LZTR1: variants seen among roughly 807,000 people sequenced by gnomAD.
LZTR1 encodes the protein leucine-zipper-like transcriptional regulator 1.
LZTR1 carries 260 observed loss-of-function variants against 105.7 expected under a neutral mutation model. That is an observed-to-expected ratio of 2.46 (90% CI 2.22 to 2.72). LZTR1 has a LOEUF of 2.72. Ranked by LOEUF, LZTR1 falls within the 30% of genes most tolerant of loss-of-function variation. The probability of loss-of-function intolerance (pLI) is 0.00; values close to 1 mark genes in which losing one functional copy is unlikely to be tolerated. For synonymous variants in LZTR1, 490 were observed against 476.4 expected (o/e 1.03, Z -0.37); for missense variants, 1,214 against 1,166.9 (o/e 1.04, Z -0.59).
At position 20,995,806 on chromosome 22, in the gene LZTR1, A is replaced by T; in HGVS notation, c.2003A>T (p.Asp668Val). 6.2e-7 allele frequency: 1 copy of T among 1,613,490 alleles called. No homozygotes were observed. Among genetic ancestry groups the T allele is most frequent in the Non-Finnish European group, 8.5e-7 (1 of 1,179,958 alleles). Residue 668 changes from aspartate to valine, a missense_variant, in exon 17 of 21, where the codon GAC becomes GTC. Physicochemically the swap from Asp to Val is radical, Grantham distance 152. Transcript: ENST00000646124. The part of the protein sequence containing the change: ...YLEGAGAEFC[D>V]ITLLLDGHPR... ...GAGGGAGCGGGCGCGGAATTCTGTG[A>T]CATCACTCTGTTGCTTGACGGGCAC...
intron 5 of LZTR1, among the ~76,000 whole-genome samples, 157 bp downstream of exon 5, chr22:20,988,275 G>C (rs781165396): frequency 1.7e-4 from 26 of 152,160 alleles, no homozygotes; most frequent in Admixed American, 5.2e-4. Flanking sequence ...GCTATGCATG[G>C]CCTGCTCCCA....
chr22:20,992,212 A>G lies in LZTR1; in HGVS notation c.994-2A>G, dbSNP rs752600682. On this transcript the variant is annotated splice_acceptor_variant, in intron 9 of 20. Transcript: ENST00000646124. LOFTEE classifies it high-confidence loss of function. ...TCATGCCCATGTGTCTCCCCTCTTC[A>G]GGTTGGTGGGGCTGAAGTGCCCGAG... 1.2e-6 allele frequency: 2 copies of G among 1,612,656 alleles called. No individual in the cohort carries two copies. The highest frequency in any genetic ancestry group is 1.7e-5 in the Admixed American group (1 of 59,934).
chr22:20,994,405 C>T lies in LZTR1; in HGVS notation c.1615+136C>T, dbSNP rs746841093. The T allele has an allele frequency of 3.2e-6, 4 of 1,260,344 alleles. No individual in the cohort carries two copies. In the Admixed American group the frequency reaches 8.3e-5, roughly 26 times the overall value. 78.1% of individuals were successfully genotyped at this position (1,260,344 alleles called of 1,614,324 possible). On this transcript the variant is annotated intron_variant, in intron 14 of 20. Coordinates refer to ENST00000646124, the MANE Select transcript of LZTR1 (RefSeq NM_006767.4). ...GAGGCTGCAGGTCACCCTCCTTACC[C>T]ATGATCACTGCAGCTGGACGCCATC...
At position 20,997,456 on chromosome 22, in the gene LZTR1, G is replaced by C; in HGVS notation, c.*108G>C. On this transcript the variant is annotated 3_prime_UTR_variant, in exon 21 of 21. Coordinates refer to ENST00000646124, the MANE Select transcript of LZTR1 (RefSeq NM_006767.4). The stretch of plus-strand genomic sequence containing the variant: ...CCTATGGCAGTGGGTGCACCTGCCA[G>C]GCCAAGGGTCAGGGTGCCCAGAGCC... 1.1e-6 allele frequency: 1 copy of C among 877,858 alleles called. No homozygotes were observed. Among genetic ancestry groups the C allele is most frequent in the Non-Finnish European group, 1.9e-6 (1 of 539,514 alleles). The allele number at this position is 877,858 out of a possible 1,614,324, so 54.4% of individuals were successfully genotyped here.
chr22:20,995,021 A>G lies in LZTR1; in HGVS notation c.1937A>G (p.Asp646Gly). 2 of 1,607,796 alleles carry G rather than the reference A, an allele frequency of 1.2e-6. No individual in the cohort carries two copies. Among genetic ancestry groups the G allele is most frequent in the South Asian group, 2.2e-5 (2 of 90,778 alleles). ...PPRTPLDQPV[D>G]IGTSLIQDMK... ...CGCACTCCCTTGGACCAGCCAGTGGACATTGGTAGGGAGCCCCGTTCCCCT... is the reference window on the plus strand; with the variant it reads ...CGCACTCCCTTGGACCAGCCAGTGGGCATTGGTAGGGAGCCCCGTTCCCCT... Residue 646 changes from aspartate to glycine, a missense_variant, in exon 16 of 21, where the codon GAC becomes GGC. Coordinates refer to ENST00000646124, the MANE Select transcript of LZTR1 (RefSeq NM_006767.4).
At chr22:20,997,073 G>T in intron 20 of LZTR1, 107 bp downstream of exon 20, 1 of 1,270,492 alleles carries the variant, frequency 7.9e-7, no homozygotes. Context: ...GTGGGCCCTG[G>T]GGGTGAGAGA....
intron 2 of LZTR1, among the ~76,000 whole-genome samples, chr22:20,985,400 T>C (rs1342992076): frequency 6.6e-6 from 1 of 150,930 alleles, no homozygotes; most frequent in African/African-American, 2.5e-5. Flanking sequence ...GGCAGGAAGA[T>C]CAGAGAGAAG....
At position 20,983,034 on chromosome 22, in the gene LZTR1, A is replaced by T; in HGVS notation, c.208A>T (p.Lys70Ter). The T allele has an allele frequency of 6.2e-7, 1 of 1,614,110 alleles. No individual in the cohort carries two copies. Among genetic ancestry groups the T allele is most frequent in the Non-Finnish European group, 8.5e-7 (1 of 1,179,968 alleles). ...CCACTCCTTTCTTTCCAGGCGCAGCAAGCACACAGTGGTGGCCTATAAAGA... is the reference window on the plus strand; with the variant it reads ...CCACTCCTTTCTTTCCAGGCGCAGCTAGCACACAGTGGTGGCCTATAAAGA... ...CDEFVGARRS[K>*]HTVVAYKDAI... Residue 70 changes from lysine to a stop codon, truncating the protein, a stop_gained, in exon 2 of 21, where the codon AAG becomes TAG. Coordinates refer to ENST00000646124, the MANE Select transcript of LZTR1 (RefSeq NM_006767.4). LOFTEE classifies it high-confidence loss of function.
At chr22:20,984,608 T>G (rs1486206875) in intron 2 of LZTR1, among the ~76,000 whole-genome samples, 3 of 4,102 alleles carry the variant, frequency 7.3e-4, no homozygotes, top group Non-Finnish European at 1.5e-3. Flanking sequence ...GTGGGGCAAG[T>G]AAGGAGGGGG....
chr22:20,991,479 G>A (rs1924602048), intron 8 of LZTR1, 149 bp from the exon 9 acceptor site: 2 of 645,324 alleles, frequency 3.1e-6, no homozygotes, highest in African/African-American at 3.6e-5. Flanking sequence ...GAGGTGCTCA[G>A]CGCAGGTGTC....
Position 20,996,867 on chromosome 22 carries a change from A to C in LZTR1, c.2326-19A>C. ...GAGTGGGTGAAAGGGGCAGCGCCTC[A>C]AGGTCCCTGCCATTGCAGATCCTGG... On this transcript the variant is annotated intron_variant, in intron 19 of 20. Transcript: ENST00000646124. The C allele has an allele frequency of 1.2e-6, 2 of 1,611,574 alleles. No homozygotes were observed. The highest frequency in any genetic ancestry group is 1.7e-6 in the Non-Finnish European group (2 of 1,178,254).
rs1924843925 is a variant in LZTR1, at chr22:20,996,312, A to G, written c.2219+200A>G. On this transcript the variant is annotated intron_variant, in intron 18 of 20. Coordinates refer to ENST00000646124, the MANE Select transcript of LZTR1 (RefSeq NM_006767.4). ...AGCTGGCAAGGAGGGGTTTGCAGCC[A>G]GGAGGAACCAGTGGGTTCCTGACCC... 9.6e-6 allele frequency: 6 copies of G among 626,348 alleles called. No individual in the cohort carries two copies. In the Middle Eastern group the frequency reaches 1.3e-3, roughly 136 times the overall value. The allele number at this position is 626,348 out of a possible 1,614,324, so 38.8% of individuals were successfully genotyped here. A position where few individuals can be genotyped will look rare whatever the true frequency, so the allele number is the denominator to read the frequency against.
Position 20,994,707 on chromosome 22 carries a change from C to T in LZTR1, c.1765C>T (p.Leu589=). The T allele has an allele frequency of 6.2e-7, 1 of 1,612,126 alleles. No homozygotes were observed. The highest frequency in any genetic ancestry group is 8.5e-7 in the Non-Finnish European group (1 of 1,179,954). Residue 589 remains leucine, a synonymous_variant, in exon 15 of 21, where the codon CTG becomes TTG. Coordinates refer to ENST00000646124, the MANE Select transcript of LZTR1 (RefSeq NM_006767.4). ...VLVVCESAAR[L]QLSQLKEHCL... ...GGTTGTGTGCGAGAGTGCCGCCCGG[C>T]TGCAGCTGAGCCAACTCAAGGTGTG...
rs770368435 is a variant in LZTR1, at chr22:20,991,830, G to A, written c.993+1G>A. On this transcript the variant is annotated splice_donor_variant, in intron 9 of 20. Transcript: ENST00000646124. LOFTEE classifies it high-confidence loss of function. Reference sequence around the variant, plus strand: ...CGTCCAGCCCAGCTCCGACAGCGAGGTGAGGGTGCCCAGGGGTGTCCTGAC... The same window carrying A: ...CGTCCAGCCCAGCTCCGACAGCGAGATGAGGGTGCCCAGGGGTGTCCTGAC... 16 of 1,548,270 alleles carry A rather than the reference G, an allele frequency of 1.0e-5. No individual in the cohort carries two copies. Among genetic ancestry groups the A allele is most frequent in the East Asian group, 4.9e-5 (2 of 40,904 alleles).
chr22:20,998,368 C>G lies in LZTR1; in HGVS notation c.*1020C>G, dbSNP rs1035548076. 6.6e-6 allele frequency: 1 copy of G among 152,498 alleles called. No individual in the cohort carries two copies. The highest frequency in any genetic ancestry group is 2.4e-5 in the African/African-American group (1 of 41,468). The allele number at this position is 152,498 out of a possible 1,614,324, so 9.4% of individuals were successfully genotyped here. ...CCTTCTGCCCTGCCTTGCCCCTGCACTATGCTCTTGGCTCCTGTGGAAGGA... is the reference window on the plus strand; with the variant it reads ...CCTTCTGCCCTGCCTTGCCCCTGCAGTATGCTCTTGGCTCCTGTGGAAGGA... On this transcript the variant is annotated 3_prime_UTR_variant, in exon 21 of 21. Transcript: ENST00000646124.
rs755820222 is a variant in LZTR1, at chr22:20,995,949, C to T, written c.2070-14C>T. On this transcript the variant is annotated splice_polypyrimidine_tract_variant and intron_variant, in intron 17 of 20. Transcript: ENST00000646124. ...TCTGCTGACGGCCAGGTGCCTACCGCTCGTTGTCTGCAGCTACTTTGAAGC... is the reference window on the plus strand; with the variant it reads ...TCTGCTGACGGCCAGGTGCCTACCGTTCGTTGTCTGCAGCTACTTTGAAGC... 6.2e-7 allele frequency: 1 copy of T among 1,613,604 alleles called. No individual in the cohort carries two copies. Among genetic ancestry groups the T allele is most frequent in the Non-Finnish European group, 8.5e-7 (1 of 1,180,028 alleles).
chr22:20,990,605 A>G, intron 8 of LZTR1, 80 bp downstream of exon 8: 1 of 1,440,652 alleles, frequency 6.9e-7, no homozygotes, highest in Middle Eastern at 1.8e-4. Context: ...CGCCTCTTGC[A>G]CCTGGTGGCC....
At position 20,991,827 on chromosome 22, in the gene LZTR1, G is replaced by T. The variant is rs1317514162; in HGVS notation, c.991G>T (p.Glu331Ter). ...GGTCGTCCAGCCCAGCTCCGACAGCGAGGTGAGGGTGCCCAGGGGTGTCCT... is the reference window on the plus strand; with the variant it reads ...GGTCGTCCAGCCCAGCTCCGACAGCTAGGTGAGGGTGCCCAGGGGTGTCCT... ...WEVVQPSSDS[E>*]VGGAEVPERA... Residue 331 changes from glutamate (E) to a stop codon, truncating the protein, a stop_gained and splice_region_variant, in exon 9 of 21, where the codon GAG becomes TAG. Coordinates refer to ENST00000646124, the MANE Select transcript of LZTR1 (RefSeq NM_006767.4). LOFTEE classifies it high-confidence loss of function. 6.5e-7 allele frequency: 1 copy of T among 1,548,676 alleles called. No individual in the cohort carries two copies. Among genetic ancestry groups the T allele is most frequent in the Admixed American group, 2.0e-5 (1 of 50,944 alleles).
intron 2 of LZTR1, among the ~76,000 whole-genome samples, chr22:20,984,278 A>G (rs1924297350): frequency 6.6e-6 from 1 of 152,208 alleles, no homozygotes; most frequent in African/African-American, 2.4e-5. Context: ...CCTGGCATCT[A>G]GAAAACTCCA....
Sources: gnomAD v4.1 joint callset for allele counts (sites outside exome capture counted in the v4.1 genomes callset) on GRCh38, gnomAD v4.1.1 for gene constraint, MANE v1.5 for transcripts, NCBI Gene and HGNC (gene_info 2026-07-23, HGNC 2026-07-21) for gene names.